Variants in ORC1 observed in about 807,000 individuals in gnomAD.
ORC1 encodes the protein origin recognition complex, subunit 1 homolog.
Under a neutral mutation model 98.9 loss-of-function variants are expected in ORC1, and 61 were observed. The ratio of observed to expected loss-of-function variants is 0.62; its 90% CI spans 0.50 to 0.76. The LOEUF is 0.76. Ranked by LOEUF, ORC1 falls within the 30% of genes least tolerant of loss-of-function variation. ORC1 has a pLI of 0.00. For missense variants in ORC1, 979 were observed against 1,072.2 expected (o/e 0.91, Z 1.21); for synonymous variants, 385 against 406.9 (o/e 0.95, Z 0.65).
At chr1:52,408,743 T>C (rs1648068995), upstream of ORC1, 1 of 1,596,268 alleles carries the variant, frequency 6.3e-7, no homozygotes, top group South Asian at 1.1e-5. Context: ...GTTTTTATTT[T>C]ACCAGTACTT....
chr1:52,408,427 C>T, upstream of ORC1: 1 of 1,101,932 alleles, frequency 9.1e-7, no homozygotes. Context: ...CTTTCTTCTG[C>T]TGCATTCTAC....
At chr1:52,384,518 AT>A in intron 11 of ORC1, 31 bp downstream of exon 11, 1 of 1,605,702 alleles carries the variant, frequency 6.2e-7, no homozygotes, top group Non-Finnish European at 8.5e-7. Flanking sequence ...AAGAAACAGC[AT>A]TTTCCAAAAA....
chr1:52,398,000 G>C (rs1647500507), intron 3 of ORC1, 137 bp from the exon 4 acceptor site: 1 of 812,622 alleles, frequency 1.2e-6, no homozygotes, highest in Non-Finnish European at 2.1e-6. Flanking sequence ...CAGAGTCTCT[G>C]TCACCCAGGC....
upstream of ORC1, chr1:52,404,827 A>G: frequency 6.2e-7 from 1 of 1,614,228 alleles, no homozygotes; most frequent in Non-Finnish European, 8.5e-7. Flanking sequence ...AGATCATTCG[A>G]ACGCGAATCT....
At chr1:52,399,743 G>C (rs1647609842) in intron 3 of ORC1, among the ~76,000 whole-genome samples, 2 of 151,924 alleles carry the variant, frequency 1.3e-5, no homozygotes, top group African/African-American at 2.4e-5. Context: ...AGGAGGTTGA[G>C]GCTGCATGAG....
At chr1:52,379,739 C>T (rs1004585906) in intron 14 of ORC1, among the ~76,000 whole-genome samples, 4 of 151,670 alleles carry the variant, frequency 2.6e-5, no homozygotes, top group African/African-American at 9.7e-5. Context: ...TTGAGACCAG[C>T]CTGGCCAACA....
chr1:52,406,604 C>A (rs757802152), upstream of ORC1, among the ~76,000 whole-genome samples: 1 of 152,144 alleles, frequency 6.6e-6, no homozygotes, highest in Non-Finnish European at 1.5e-5. Context: ...AGTGAAAGAA[C>A]GTAATGCATG....
rs933618089 is a variant in ORC1 at position 52,383,906 on chromosome 1, T to C, written c.1787A>G (p.His596Arg). Residue 596 changes from histidine (H) to arginine (R), a missense_variant, in exon 12 of 17, where the codon CAT becomes CGT. Physicochemically the swap from His to Arg is conservative, Grantham distance 29. Coordinates refer to ENST00000371568, the MANE Select transcript of ORC1 (RefSeq NM_004153.4). ...KLTGQKATAN[H>R]AAELLAKQFC... ...TTGCTTTGCCAGCAGTTCTGCCGCA[T>C]GGTTGGCTGTTGCTTTTTGGCCTGT... 1 of 1,614,204 alleles carries C rather than the reference T, an allele frequency of 6.2e-7. No individual in the cohort carries two copies. Among genetic ancestry groups the C allele is most frequent in the Middle Eastern group, 1.6e-4 (1 of 6,062 alleles).
intron 2 of ORC1, among the ~76,000 whole-genome samples, chr1:52,401,856 G>A (rs529526967): frequency 1.1e-4 from 16 of 152,146 alleles, no homozygotes; most frequent in South Asian, 2.1e-4. Context: ...CTATCATCTC[G>A]TTTTCATCAA....
intron 15 of ORC1, 64 bp from the exon 16 acceptor site, chr1:52,374,961 C>A: frequency 9.9e-7 from 1 of 1,007,208 alleles, no homozygotes; most frequent in Non-Finnish European, 1.6e-6. Context: ...AGAGGAAAGC[C>A]AAAGAAAACT....
upstream of ORC1, chr1:52,408,854 C>T (rs1483591008): frequency 2.6e-6 from 2 of 782,990 alleles, no homozygotes; most frequent in Non-Finnish European, 3.9e-6. Context: ...AGTTTTCAGT[C>T]TGACTACTAG....
chr1:52,392,241 T>C (rs1647228510), intron 6 of ORC1, among the ~76,000 whole-genome samples: 1 of 151,996 alleles, frequency 6.6e-6, no homozygotes, highest in African/African-American at 2.4e-5. Context: ...AGCATTCTCC[T>C]GCCTCAGCCT....
At chr1:52,395,254 A>T (rs990863299) in intron 5 of ORC1, among the ~76,000 whole-genome samples, 12 of 152,204 alleles carry the variant, frequency 7.9e-5, no homozygotes, top group Non-Finnish European at 1.8e-4. Flanking sequence ...TAAGAAAACG[A>T]AAAATAAAAA....
In ORC1 at chr1:52,383,555, C is replaced by T. The variant is rs199799847; in HGVS notation, c.1878G>A (p.Trp626Ter). 1 of 1,614,008 alleles carries T rather than the reference C, an allele frequency of 6.2e-7. No homozygotes were observed. Among genetic ancestry groups the T allele is most frequent in the East Asian group, 2.2e-5 (1 of 44,882 alleles). The change falls in exon 13 of 17, where the codon TGG (tryptophan) becomes TGA (stop). Residue 626 changes from tryptophan to a stop codon, truncating the protein, a stop_gained. Coordinates refer to ENST00000371568, the MANE Select transcript of ORC1 (RefSeq NM_004153.4). LOFTEE classifies it high-confidence loss of function. The part of the protein sequence containing the change: ...VLLVDELDLL[W>*]THKQDIMYNL... Reference sequence around the variant, plus strand: ...TGTACATTATGTCTTGTTTGTGAGTCCACAGAAGGTCGAGCTGCCAGGGCA... The same window carrying T: ...TGTACATTATGTCTTGTTTGTGAGTTCACAGAAGGTCGAGCTGCCAGGGCA...
upstream of ORC1, chr1:52,405,834 T>C: frequency 6.2e-7 from 1 of 1,614,042 alleles, no homozygotes; most frequent in Non-Finnish European, 8.5e-7. Flanking sequence ...AAAATGAAGA[T>C]TTCAAGTGAG....
Position 52,397,753 on chromosome 1 carries a change from T to C in ORC1, c.334A>G (p.Ile112Val), listed in dbSNP as rs755990358. 7 of 1,614,052 alleles carry C rather than the reference T, an allele frequency of 4.3e-6. No homozygotes were observed. Among genetic ancestry groups the C allele is most frequent in the South Asian group, 1.1e-5 (1 of 91,094 alleles). The change falls in exon 4 of 17, where the codon ATA becomes GTA. Residue 112 changes from isoleucine to valine, a missense_variant. Coordinates refer to ENST00000371568, the MANE Select transcript of ORC1 (RefSeq NM_004153.4). ...LLGRKPGAQE[I>V]FWYDYPACDS... is the part of the protein sequence containing the mutation. ...CAGGCCGGGTAATCATACCAGAATA[T>C]TTCCTGTGCACCAGGCTTCCGGCCC...
intron 5 of ORC1, among the ~76,000 whole-genome samples, chr1:52,394,183 T>A (rs1647295572): frequency 6.6e-6 from 1 of 152,186 alleles, no homozygotes; most frequent in Non-Finnish European, 1.5e-5. Flanking sequence ...AGAGATGCTA[T>A]CAAGTAACAA....
intron 14 of ORC1, among the ~76,000 whole-genome samples, chr1:52,376,936 C>T (rs1174689664): frequency 1.3e-5 from 2 of 152,180 alleles, no homozygotes; most frequent in Non-Finnish European, 2.9e-5. Flanking sequence ...GAGTGAGACC[C>T]ATCACGCAGA....
rs747374092 is a variant in ORC1, at chr1:52,397,874, T to C, written c.224-11A>G. 2.5e-6 allele frequency: 4 copies of C among 1,613,912 alleles called. No individual in the cohort carries two copies. In the South Asian group the frequency reaches 4.4e-5, roughly 18 times the overall value. On this transcript the variant is annotated splice_polypyrimidine_tract_variant and intron_variant, in intron 3 of 16. Coordinates refer to ENST00000371568, the MANE Select transcript of ORC1 (RefSeq NM_004153.4). ...GAGGAGGATCAGAGTCTAGAAAGAA[T>C]TTGGTGGAAAGGGAAAGGTTAAGAC...
Sources: allele counts gnomAD v4.1 joint callset (sites outside exome capture counted in the v4.1 genomes callset), GRCh38; gene constraint gnomAD v4.1.1; transcripts MANE v1.5; gene names NCBI Gene and HGNC (gene_info 2026-07-23, HGNC 2026-07-21).